KCNAB2: variants seen among roughly 807,000 people sequenced by gnomAD.
The protein encoded by KCNAB2 is voltage-gated potassium channel subunit beta-2.
A neutral mutation model predicts 63.6 loss-of-function variants in KCNAB2; 29 were observed. The observed-to-expected ratio is 0.46, with a 90% CI of 0.34 to 0.62. KCNAB2 has a LOEUF of 0.62. KCNAB2 is among the 20% of genes least tolerant of loss of function. The pLI, the probability that KCNAB2 is intolerant of heterozygous loss-of-function variation, is 0.01. For synonymous variants in KCNAB2, 222 were observed against 224.2 expected (o/e 0.99, Z 0.09); for missense variants, 359 against 563.9 (o/e 0.64, Z 3.68).
At chr1:6,022,238 TGG>T (rs1658881600) in intron 1 of KCNAB2, among the ~76,000 whole-genome samples, 1 of 150,232 alleles carries the variant, frequency 6.7e-6, no homozygotes, top group South Asian at 2.1e-4. Context: ...TGGTATCCAG[TGG>T]GTAGTTCAGT....
upstream of KCNAB2, among the ~76,000 whole-genome samples, chr1:6,044,438 C>T (rs1319772146): frequency 1.3e-5 from 2 of 152,144 alleles, no homozygotes; most frequent in African/African-American, 2.4e-5. Flanking sequence ...CAGGATTCAA[C>T]GCAGAGGCTG....
At chr1:6,054,057 AAG>A (rs557017635) in intron 2 of KCNAB2, among the ~76,000 whole-genome samples, 1,428 of 141,250 alleles carry the variant, frequency 0.01, 21 homozygotes, top group African/African-American at 0.034. Flanking sequence ...AAAAAAAAAA[AAG>A]AAGAAGAAGA....
At chr1:6,065,898 C>G (rs537757452) in intron 2 of KCNAB2, among the ~76,000 whole-genome samples, 2 of 152,348 alleles carry the variant, frequency 1.3e-5, no homozygotes, top group African/African-American at 4.8e-5. Flanking sequence ...GCCTTCTTCC[C>G]CACCGTTGCC....
chr1:6,004,534 G>A (rs1272671162), intron 1 of KCNAB2, among the ~76,000 whole-genome samples: 2 of 152,008 alleles, frequency 1.3e-5, no homozygotes, highest in African/African-American at 4.8e-5. Context: ...CCTCGCTCCT[G>A]GTTCCTGGTG....
intron 1 of KCNAB2, chr1:6,007,375 C>T (rs974679497): frequency 3.3e-5 from 5 of 152,320 alleles, no homozygotes; most frequent in African/African-American, 1.2e-4. Context: ...CACCAGGACA[C>T]TGGCCTCTTC....
rs1293814252 is a variant in KCNAB2 at position 6,051,581 on chromosome 1, C to G, written c.45C>G (p.Ser15Arg). 1.3e-6 allele frequency: 2 copies of G among 1,534,338 alleles called. No individual in the cohort carries two copies. The highest frequency in any genetic ancestry group is 8.7e-7 in the Non-Finnish European group (1 of 1,146,040). Residue 15 changes from serine (S) to arginine (R), a missense_variant, in exon 2 of 16, where the codon AGC becomes AGG. Ser to Arg is a moderately radical substitution (Grantham distance 110, BLOSUM62 -1). This residue lies in a region of KCNAB2 where 88 missense variants were observed against 87.8 expected (regional missense o/e 1.00). Transcript: ENST00000378083. Reference protein sequence around the residue: ...TYSESLRSVSSRCHSEWALHP... With the variant: ...TYSESLRSVSRRCHSEWALHP... ...GCGAGAGTCTGCGGAGCGTGAGCAG[C>G]AGGTGCCACTCTGAATGGGCCCTGC...
intron 2 of KCNAB2, among the ~76,000 whole-genome samples, chr1:6,062,041 G>T (rs1007458837): frequency 6.6e-6 from 1 of 152,142 alleles, no homozygotes; most frequent in Non-Finnish European, 1.5e-5. Flanking sequence ...AGCCAAGCGC[G>T]GTGGCTCACG....
intron 1 of KCNAB2, among the ~76,000 whole-genome samples, chr1:6,015,033 T>A (rs934778721): frequency 9.8e-5 from 14 of 143,184 alleles, no homozygotes; most frequent in South Asian, 6.8e-4. Flanking sequence ...TTTTTTTTTT[T>A]TTTTTTTTTG....
intron 2 of KCNAB2, among the ~76,000 whole-genome samples, chr1:6,057,469 C>T (rs1238957999): frequency 6.9e-6 from 1 of 145,170 alleles, no homozygotes; most frequent in East Asian, 2.2e-4. Flanking sequence ...AGGAGAAAAA[C>T]AGCAGAGACC....
At chr1:6,007,923 G>T (rs776724128) in intron 1 of KCNAB2, among the ~76,000 whole-genome samples, 1 of 152,174 alleles carries the variant, frequency 6.6e-6, no homozygotes, top group Admixed American at 6.5e-5. Flanking sequence ...AGCCCTGAGA[G>T]GGGCTGGAGA....
intron 4 of KCNAB2, among the ~76,000 whole-genome samples, chr1:6,079,493 T>C (rs1015446927): frequency 6.6e-5 from 10 of 151,342 alleles, no homozygotes; most frequent in African/African-American, 2.2e-4. Flanking sequence ...CACTCCCGCC[T>C]GGGCAACAGA....
chr1:6,031,108 C>T (rs952688665), upstream of KCNAB2, among the ~76,000 whole-genome samples: 1 of 152,118 alleles, frequency 6.6e-6, no homozygotes, highest in East Asian at 1.9e-4. This position sits in a 1 kb window ranked among gnomAD's most constrained non-coding sequence, Gnocchi z 4.1. Context: ...ACAGGTTGTC[C>T]CCACACCAGG....
intron 4 of KCNAB2, among the ~76,000 whole-genome samples, chr1:6,079,639 G>A (rs1240054025): frequency 6.6e-6 from 1 of 152,204 alleles, no homozygotes; most frequent in Non-Finnish European, 1.5e-5. Flanking sequence ...CACACGGTGT[G>A]ACTGCATTTG....
intron 5 of KCNAB2, among the ~76,000 whole-genome samples, chr1:6,084,331 C>T (rs868324068): frequency 3.3e-5 from 5 of 152,146 alleles, no homozygotes; most frequent in Admixed American, 6.5e-5. Flanking sequence ...GACAGTGGTC[C>T]GCCTAGCATC....
In KCNAB2 at chr1:6,086,442, C is replaced by G. The variant is rs887197346; in HGVS notation, c.426-1025C>G. 7.6e-6 allele frequency: 7 copies of G among 924,082 alleles called. No homozygotes were observed. The highest frequency in any genetic ancestry group is 7.2e-5 in the African/African-American group (4 of 55,860). The allele number at this position is 924,082 out of a possible 1,614,324, so 57.2% of individuals were successfully genotyped here. ...GTGATCCCCCTTCCTGGAGGTGACG[C>G]TGCCTCTGCCAGAGCTCTGTGGCCG... is the stretch of plus-strand genomic sequence containing the variant. On this transcript the variant is annotated intron_variant, in intron 6 of 15. Coordinates refer to ENST00000378083, the MANE Select transcript of KCNAB2 (RefSeq NM_001199862.2). This position sits in a 1 kb window ranked among gnomAD's most constrained non-coding sequence, Gnocchi z 4.2.
intron 5 of KCNAB2, among the ~76,000 whole-genome samples, chr1:6,084,099 C>A (rs1479044023): frequency 6.6e-6 from 1 of 152,188 alleles, no homozygotes; most frequent in Admixed American, 6.5e-5. Context: ...CAAATCAGAG[C>A]CCATTATTTC....
chr1:6,072,892 G>A, intron 3 of KCNAB2, 94 bp downstream of exon 3: 1 of 1,266,824 alleles, frequency 7.9e-7, no homozygotes, highest in Non-Finnish European at 1.1e-6. Context: ...AGGCAGGGTG[G>A]CCCAAACCTT....
chr1:6,001,522 C>G (rs957368616), intron 1 of KCNAB2, among the ~76,000 whole-genome samples: 1 of 152,180 alleles, frequency 6.6e-6, no homozygotes, highest in African/African-American at 2.4e-5. Flanking sequence ...TGGCCACCTG[C>G]TGGGCTGTAT....
intron 1 of KCNAB2, among the ~76,000 whole-genome samples, chr1:6,009,786 A>C (rs566913302): frequency 2.6e-5 from 4 of 151,292 alleles, no homozygotes; most frequent in South Asian, 2.1e-4. Context: ...CTGTCTCTCT[A>C]TGTCTTTAGC....
Sources: allele counts gnomAD v4.1 joint callset (sites outside exome capture counted in the v4.1 genomes callset), GRCh38; gene constraint gnomAD v4.1.1; regional missense constraint gnomAD v4.1.1; non-coding constraint Gnocchi (gnomAD v3.1); transcripts MANE v1.5; gene names NCBI Gene and HGNC (gene_info 2026-07-23, HGNC 2026-07-21).